The following SLC38A12 variants were observed in gnomAD, a reference collection of about 807,000 sequenced individuals.
SLC38A12 encodes putative sodium-coupled neutral amino acid transporter 12.
At chr17:74,808,588 A>C in the SLC38A12 span, among the ~76,000 whole-genome samples, 1 of 152,226 alleles carries the variant, frequency 6.6e-6, no homozygotes, top group African/African-American at 2.4e-5. Flanking sequence ...AATGACAGAC[A>C]TCAGTCTCAG....
the SLC38A12 span, chr17:74,838,415 A>G: frequency 1.9e-5 from 19 of 1,008,274 alleles, no homozygotes; most frequent in Middle Eastern, 5.0e-4. Context: ...CCCTTCTCCA[A>G]TTACGTTCCC....
chr17:74,831,608 G>A, the SLC38A12 span, among the ~76,000 whole-genome samples: 4 of 152,106 alleles, frequency 2.6e-5, no homozygotes, highest in Admixed American at 2.6e-4. Context: ...CCACCACTCA[G>A]AGCGGGACTC....
chr17:74,785,691 G>T, the SLC38A12 span: 5 of 1,513,794 alleles, frequency 3.3e-6, no homozygotes, highest in South Asian at 1.3e-5. Context: ...GGGCACTGAG[G>T]GGGTGGGAAG....
the SLC38A12 span, among the ~76,000 whole-genome samples, chr17:74,794,411 G>C: frequency 5.1e-4 from 78 of 152,340 alleles, no homozygotes; most frequent in Non-Finnish European, 7.9e-4. Context: ...AAGAAGGAAA[G>C]GGGGCCTGTC....
chr17:74,836,555 T>C, the SLC38A12 span: 2 of 1,613,388 alleles, frequency 1.2e-6, no homozygotes, highest in Non-Finnish European at 1.7e-6. The surrounding 1 kb of genome is among the most constrained non-coding windows in gnomAD (Gnocchi z 4.2). Flanking sequence ...AGCTGGCCTT[T>C]GGCTGTGGGG....
At chr17:74,809,568 G>T in the SLC38A12 span, among the ~76,000 whole-genome samples, 1 of 152,196 alleles carries the variant, frequency 6.6e-6, no homozygotes, top group Non-Finnish European at 1.5e-5. Context: ...CCTGGAGCGG[G>T]TGCTGCTTCG....
chr17:74,787,005 A>G, the SLC38A12 span, among the ~76,000 whole-genome samples: 1 of 152,146 alleles, frequency 6.6e-6, no homozygotes, highest in Admixed American at 6.5e-5. Flanking sequence ...TTGCGCAACC[A>G]TGAAAAGTCT....
chr17:74,833,864 C>G, the SLC38A12 span, among the ~76,000 whole-genome samples: 329 of 152,280 alleles, frequency 2.2e-3, 2 homozygotes, highest in African/African-American at 7.5e-3. Context: ...TTGCCCTGAC[C>G]CTTGTGCCCC....
the SLC38A12 span, chr17:74,795,661 C>T: frequency 1.9e-6 from 3 of 1,575,380 alleles, no homozygotes; most frequent in South Asian, 3.3e-5. Context: ...GTGCCGCCTG[C>T]CCCAGCCCAG....
At chr17:74,820,735 C>T in the SLC38A12 span, among the ~76,000 whole-genome samples, 1 of 152,180 alleles carries the variant, frequency 6.6e-6, no homozygotes, top group African/African-American at 2.4e-5. Flanking sequence ...GGCTGGGGCT[C>T]CTCCTTCCTG....
the SLC38A12 span, chr17:74,777,710 A>T: frequency 1.1e-6 from 1 of 910,602 alleles, no homozygotes. Context: ...ACCTGAGGTC[A>T]GGAGTTCAAG....
the SLC38A12 span, among the ~76,000 whole-genome samples, chr17:74,797,155 C>T: frequency 3.3e-5 from 5 of 152,354 alleles, no homozygotes; most frequent in South Asian, 1.0e-3. Context: ...GGAATATTGG[C>T]TGCTGCCATT....
the SLC38A12 span, among the ~76,000 whole-genome samples, chr17:74,819,383 G>A: frequency 6.6e-6 from 1 of 152,202 alleles, no homozygotes; most frequent in Admixed American, 6.5e-5. Flanking sequence ...TTGCCATTAT[G>A]TCTCTAGCCC....
the SLC38A12 span, among the ~76,000 whole-genome samples, chr17:74,791,680 C>A: frequency 5.3e-5 from 8 of 152,366 alleles, no homozygotes; most frequent in African/African-American, 1.9e-4. Flanking sequence ...AGCCCACACC[C>A]AGGCTTGCTG....
chr17:74,809,422 C>T, the SLC38A12 span, among the ~76,000 whole-genome samples: 1 of 152,100 alleles, frequency 6.6e-6, no homozygotes, highest in Non-Finnish European at 1.5e-5. Flanking sequence ...GAGTCGTGAG[C>T]GGTGCCACAG....
At chr17:74,816,843 C>T in the SLC38A12 span, among the ~76,000 whole-genome samples, 1 of 152,120 alleles carries the variant, frequency 6.6e-6, no homozygotes, top group Admixed American at 6.5e-5. Flanking sequence ...TTTATAATGT[C>T]ATATGGGCTA....
At chr17:74,790,949 T>A in the SLC38A12 span, 1 of 1,614,014 alleles carries the variant, frequency 6.2e-7, no homozygotes, top group Non-Finnish European at 8.5e-7. Context: ...TTCTTTTGGC[T>A]CTGCAGAGAG....
the SLC38A12 span, chr17:74,836,553 T>C: frequency 6.2e-7 from 1 of 1,613,342 alleles, no homozygotes; most frequent in Non-Finnish European, 8.5e-7. The surrounding 1 kb of genome is among the most constrained non-coding windows in gnomAD (Gnocchi z 4.2). Flanking sequence ...CCAGCTGGCC[T>C]TTGGCTGTGG....
chr17:74,778,690 C>T, the SLC38A12 span, among the ~76,000 whole-genome samples: 9 of 137,956 alleles, frequency 6.5e-5, no homozygotes, highest in African/African-American at 2.5e-4. Context: ...CTCTTGTTGC[C>T]CAGGCTGGAG....
Sources: gnomAD v4.1 joint callset for allele counts (sites outside exome capture counted in the v4.1 genomes callset) on GRCh38, gnomAD v4.1.1 for gene constraint, Gnocchi (gnomAD v3.1) non-coding constraint, MANE v1.5 for transcripts, NCBI Gene and HGNC (gene_info 2026-07-23, HGNC 2026-07-21) for gene names.